The following CCSER1 variants were observed in gnomAD, a reference collection of about 807,000 sequenced individuals.
CCSER1 encodes coiled-coil serine rich protein 1.
Under a neutral mutation model 82.0 loss-of-function variants are expected in CCSER1, and 41 were observed. That is an observed-to-expected ratio of 0.50 (90% CI 0.39 to 0.65). The LOEUF (loss-of-function observed/expected upper bound fraction) is 0.65, where lower values mean the gene tolerates loss of function less well. Among genes scored for constraint, CCSER1 ranks in the 30% least tolerant of loss-of-function variants. The probability of loss-of-function intolerance (pLI) is 0.00; values close to 1 mark genes in which losing one functional copy is unlikely to be tolerated. For synonymous variants in CCSER1, 414 were observed against 383.9 expected (o/e 1.08, Z -0.92); for missense variants, 1,119 against 1,064.2 (o/e 1.05, Z -0.72).
chr4:91,172,893 T>G (rs1047228906), intron 10 of CCSER1, among the ~76,000 whole-genome samples: 3 of 152,138 alleles, frequency 2.0e-5, no homozygotes, highest in East Asian at 1.9e-4. Context: ...CATACTGATA[T>G]CTAAAAATAT....
chr4:91,380,211 A>T (rs941164259), intron 10 of CCSER1, among the ~76,000 whole-genome samples: 1 of 152,190 alleles, frequency 6.6e-6, no homozygotes, highest in Non-Finnish European at 1.5e-5. Flanking sequence ...TGCTGAGAAT[A>T]ATATATATTC....
At chr4:90,441,816 G>C (rs1357409581) in intron 4 of CCSER1, among the ~76,000 whole-genome samples, 3 of 152,214 alleles carry the variant, frequency 2.0e-5, no homozygotes, top group Non-Finnish European at 4.4e-5. Context: ...ATCTCTGATG[G>C]ATGAATGATT....
intron 10 of CCSER1, among the ~76,000 whole-genome samples, chr4:91,182,952 T>C (rs1734181119): frequency 6.6e-6 from 1 of 152,244 alleles, no homozygotes; most frequent in African/African-American, 2.4e-5. Flanking sequence ...CAGGTAATGC[T>C]GTATCTGTGT....
At chr4:91,308,830 T>C (rs2149250091) in intron 10 of CCSER1, among the ~76,000 whole-genome samples, 1 of 152,124 alleles carries the variant, frequency 6.6e-6, no homozygotes, top group Non-Finnish European at 1.5e-5. Flanking sequence ...CCTAGATTTT[T>C]TTTAACACAG....
intron 9 of CCSER1, among the ~76,000 whole-genome samples, chr4:91,070,538 C>T (rs770035070): frequency 2.0e-4 from 30 of 152,140 alleles, no homozygotes; most frequent in Non-Finnish European, 4.1e-4. Context: ...AACCAGGCTG[C>T]CCAGCTGGAG....
At position 91,533,046 on chromosome 4, in the gene CCSER1, C is replaced by T. The variant is rs188166352; in HGVS notation, c.2218-65526C>T. Among the ~76,000 whole-genome samples, 22 of 152,144 alleles carry T rather than the reference C, an allele frequency of 1.4e-4. No homozygotes were observed. The East Asian group carries it at 4.3e-3, about 29-fold the overall frequency. On this transcript the variant is annotated intron_variant, in intron 10 of 10. Coordinates refer to ENST00000509176, the MANE Select transcript of CCSER1 (RefSeq NM_001145065.2). ...AGCATTGTTATCTACCTATTACATG[C>T]TGTACATTAGGCACTAGGAATACAA... is the stretch of plus-strand genomic sequence containing the variant.
intron 10 of CCSER1, among the ~76,000 whole-genome samples, chr4:91,282,385 C>T (rs985781565): frequency 1.3e-5 from 2 of 152,130 alleles, no homozygotes; most frequent in Non-Finnish European, 1.5e-5. Context: ...AATGCTTGTT[C>T]GGGGCGAATG....
rs549745420 is a variant in CCSER1 at position 90,721,880 on chromosome 4, A to T, written c.1933-2034A>T. ...TCATACGAGATTGATTTGTTTTTTTAAAATATTTATCTCAATATTTCCTCA... is the reference window on the plus strand; with the variant it reads ...TCATACGAGATTGATTTGTTTTTTTTAAATATTTATCTCAATATTTCCTCA... On this transcript the variant is annotated intron_variant, in intron 6 of 10. Coordinates refer to ENST00000509176, the MANE Select transcript of CCSER1 (RefSeq NM_001145065.2). Among the ~76,000 whole-genome samples, 16 of 151,456 alleles carry T rather than the reference A, an allele frequency of 1.1e-4. No homozygotes were observed. The South Asian group carries it at 1.7e-3, about 16-fold the overall frequency.
At chr4:91,179,011 C>A (rs566384694) in intron 10 of CCSER1, among the ~76,000 whole-genome samples, 2 of 152,160 alleles carry the variant, frequency 1.3e-5, no homozygotes, top group African/African-American at 4.8e-5. Flanking sequence ...GACAAAATCT[C>A]TCAGCATTTG....
At chr4:90,900,404 G>T (rs1724460638) in intron 8 of CCSER1, among the ~76,000 whole-genome samples, 1 of 151,690 alleles carries the variant, frequency 6.6e-6, no homozygotes, top group South Asian at 2.1e-4. Flanking sequence ...TCCTTTTAAA[G>T]AATCAACATT....
chr4:90,598,784 A>G (rs1009479281), intron 5 of CCSER1, among the ~76,000 whole-genome samples: 4 of 152,086 alleles, frequency 2.6e-5, no homozygotes, highest in African/African-American at 9.7e-5. Context: ...CACTGGGCCT[A>G]GGTTCAAGTA....
chr4:90,802,586 A>G (rs1253150572), intron 7 of CCSER1, among the ~76,000 whole-genome samples: 1 of 152,034 alleles, frequency 6.6e-6, no homozygotes, highest in Non-Finnish European at 1.5e-5. Context: ...TGCTGAAATG[A>G]TATATAAAAT....
chr4:90,635,406 AAATAACT>A (rs1725250116), intron 6 of CCSER1, among the ~76,000 whole-genome samples: 1 of 151,664 alleles, frequency 6.6e-6, no homozygotes, highest in Admixed American at 6.6e-5. Flanking sequence ...AAAAATAATA[AAATAACT>A]ATAAAAGCAT....
At chr4:91,058,960 CTATAATTCT>C (rs1186993693) in intron 9 of CCSER1, among the ~76,000 whole-genome samples, 2 of 151,984 alleles carry the variant, frequency 1.3e-5, no homozygotes, top group Non-Finnish European at 2.9e-5. Flanking sequence ...GCATCCTACT[CTATAATTCT>C]TACAGTCTTT....
chr4:90,290,549 T>A (rs1260677011), intron 1 of CCSER1, among the ~76,000 whole-genome samples: 2 of 151,988 alleles, frequency 1.3e-5, no homozygotes, highest in Admixed American at 1.3e-4. Context: ...AGATCCTACA[T>A]AAGTACTTGT....
intron 5 of CCSER1, among the ~76,000 whole-genome samples, chr4:90,570,954 A>G (rs1780045356): frequency 6.6e-6 from 1 of 152,164 alleles, no homozygotes; most frequent in Admixed American, 6.5e-5. Context: ...GAAAAAAAAC[A>G]TACAAGCAGC....
chr4:90,788,730 G>A (rs1193884803), intron 7 of CCSER1, among the ~76,000 whole-genome samples: 2 of 152,152 alleles, frequency 1.3e-5, no homozygotes, highest in African/African-American at 2.4e-5. Context: ...TGGACAGGGG[G>A]CCGGGGAGAA....
intron 10 of CCSER1, among the ~76,000 whole-genome samples, chr4:91,307,799 G>A (rs959987043): frequency 3.5e-4 from 53 of 151,858 alleles, no homozygotes; most frequent in African/African-American, 1.3e-3. Context: ...GCTGACTTTA[G>A]TATTGTTCTG....
intron 8 of CCSER1, among the ~76,000 whole-genome samples, chr4:90,908,900 A>G (rs1186028886): frequency 6.6e-6 from 1 of 152,212 alleles, no homozygotes; most frequent in Non-Finnish European, 1.5e-5. Flanking sequence ...AGGCTGTATT[A>G]GTTTCCTGTG....
Sources: allele counts gnomAD v4.1 joint callset (sites outside exome capture counted in the v4.1 genomes callset), GRCh38; gene constraint gnomAD v4.1.1; transcripts MANE v1.5; gene names NCBI Gene and HGNC (gene_info 2026-07-23, HGNC 2026-07-21).